The following LMO7 variants were observed in gnomAD, a reference collection of about 807,000 sequenced individuals.
The protein encoded by LMO7 is LIM domain 7.
LMO7 carries 120 observed loss-of-function variants against 206.5 expected under a neutral mutation model. The observed-to-expected ratio is 0.58, with a 90% CI of 0.50 to 0.68. LMO7 has a LOEUF of 0.68. LMO7 is among the 30% of genes least tolerant of loss of function. LMO7 has a pLI of 0.00. For synonymous variants in LMO7, 706 were observed against 681.5 expected, an observed-to-expected ratio of 1.04 and a Z score of -0.56; for missense variants, 1,959 against 1,957.9, an observed-to-expected ratio of 1.00 and a Z score of -0.01.
Position 75,834,243 on chromosome 13 carries a change from T to G in LMO7, c.3082T>G (p.Ser1028Ala). 1 of 1,594,344 alleles carries G rather than the reference T, an allele frequency of 6.3e-7. No homozygotes were observed. The change falls in exon 17 of 31, where the codon TCT (serine) becomes GCT (alanine). Residue 1028 changes from serine to alanine, a missense_variant. By Grantham distance (99) the Ser-to-Ala change is moderately conservative (BLOSUM62 1). Transcript: ENST00000377534. Reference sequence around the variant, plus strand: ...ATTTTTAGGTAGCCCAGCAGAATTTTCTCAGCTACAAGTAGATGATGAAAT... The same window carrying G: ...ATTTTTAGGTAGCCCAGCAGAATTTGCTCAGCTACAAGTAGATGATGAAAT... ...SVEAGSPAEF[S>A]QLQVDDEIIA...
intron 3 of LMO7, among the ~76,000 whole-genome samples, chr13:75,734,338 T>A (rs2045587411): frequency 1.3e-5 from 2 of 152,222 alleles, no homozygotes; most frequent in African/African-American, 4.8e-5. Flanking sequence ...TTTAAAATGT[T>A]AGAAATCCTT....
intron 15 of LMO7, among the ~76,000 whole-genome samples, chr13:75,831,053 A>C (rs2058617800): frequency 6.6e-6 from 1 of 152,094 alleles, no homozygotes; most frequent in Non-Finnish European, 1.5e-5. Flanking sequence ...GTCATCTCTA[A>C]CTTAAGTGTA....
chr13:75,723,960 C>T (rs1018594650), intron 2 of LMO7, among the ~76,000 whole-genome samples: 1 of 152,122 alleles, frequency 6.6e-6, no homozygotes, highest in Non-Finnish European at 1.5e-5. Context: ...AGACAGACTT[C>T]TCACTGCAAC....
At chr13:75,806,297 C>A in intron 9 of LMO7, 1 of 965,512 alleles carries the variant, frequency 1.0e-6, no homozygotes, top group South Asian at 4.8e-5. Context: ...TGCTGCGGGT[C>A]TGGCCTCAGA....
chr13:75,762,953 C>T (rs1480593593), intron 4 of LMO7, among the ~76,000 whole-genome samples: 2 of 152,150 alleles, frequency 1.3e-5, no homozygotes, highest in African/African-American at 2.4e-5. Context: ...TTCTTATGCC[C>T]TGAGATAGCA....
chr13:75,704,660 A>G (rs1315630241), intron 1 of LMO7, among the ~76,000 whole-genome samples: 1 of 152,222 alleles, frequency 6.6e-6, no homozygotes. Flanking sequence ...GACTCGCATT[A>G]GTGGGCATTT....
chr13:75,728,078 A>G (rs1214151076), intron 3 of LMO7, among the ~76,000 whole-genome samples: 1 of 152,108 alleles, frequency 6.6e-6, no homozygotes, highest in Non-Finnish European at 1.5e-5. Flanking sequence ...TAGTGCCGCA[A>G]TAAACACATG....
chr13:75,764,595 G>T (rs916406310), intron 4 of LMO7, among the ~76,000 whole-genome samples: 5 of 152,130 alleles, frequency 3.3e-5, no homozygotes, highest in Non-Finnish European at 7.4e-5. Context: ...TGGCAGAAAG[G>T]TAGGGTTTAA....
At chr13:75,778,855 C>T (rs1339323456) in intron 4 of LMO7, among the ~76,000 whole-genome samples, 1 of 152,060 alleles carries the variant, frequency 6.6e-6, no homozygotes, top group East Asian at 1.9e-4. Context: ...ACCTGCAGGG[C>T]TCATTAAAAC....
At chr13:75,737,795 A>ACAAAAAAC (rs2046028736) in intron 3 of LMO7, among the ~76,000 whole-genome samples, 7 of 127,102 alleles carry the variant, frequency 5.5e-5, no homozygotes, top group Non-Finnish European at 1.0e-4. Context: ...AAAAAAAAAA[A>ACAAAAAAC]AAAAAACTTT....
chr13:75,719,065 C>T (rs529840002), intron 2 of LMO7, among the ~76,000 whole-genome samples: 1 of 151,670 alleles, frequency 6.6e-6, no homozygotes, highest in South Asian at 2.1e-4. Context: ...CTGCAACCTC[C>T]GTCTCCTGGG....
chr13:75,740,613 T>C (rs2046333246), intron 3 of LMO7, among the ~76,000 whole-genome samples: 1 of 152,240 alleles, frequency 6.6e-6, no homozygotes, highest in Admixed American at 6.5e-5. Context: ...GCTGATTTTG[T>C]AGATTTGTTT....
At chr13:75,779,444 C>G (rs1239589094) in intron 4 of LMO7, among the ~76,000 whole-genome samples, 7 of 152,114 alleles carry the variant, frequency 4.6e-5, no homozygotes, top group African/African-American at 1.7e-4. Context: ...GTAAACTAAT[C>G]TGAAAGACAT....
At chr13:75,760,057 T>C (rs2048026191) in intron 3 of LMO7, among the ~76,000 whole-genome samples, 1 of 151,418 alleles carries the variant, frequency 6.6e-6, no homozygotes, top group Admixed American at 6.6e-5. Flanking sequence ...TCTTTTCTTC[T>C]TCTTTTTTTT....
rs74734862 is a variant in LMO7, at chr13:75,629,956, C to A, written c.225+6636C>A. 2.3e-3 allele frequency among the ~76,000 whole-genome samples: 347 copies of A among 152,280 alleles called. 4 individuals carry two copies. In the East Asian group the frequency reaches 0.03, roughly 13 times the overall value. Reference sequence around the variant, plus strand: ...GAGGTAGAAGTCAGATTTGGACATACTGTCATCCCTCAGGATTTGGGGGAA... The same window carrying A: ...GAGGTAGAAGTCAGATTTGGACATAATGTCATCCCTCAGGATTTGGGGGAA... On this transcript the variant is annotated intron_variant, in intron 2 of 29. Transcript: ENST00000341547.
chr13:75,684,162 G>C (rs1270948186), intron 1 of LMO7, among the ~76,000 whole-genome samples: 1 of 152,116 alleles, frequency 6.6e-6, no homozygotes, highest in Non-Finnish European at 1.5e-5. Flanking sequence ...AGATGGTTGG[G>C]GGCGGCCTTA....
rs767160789 is a variant in LMO7, at chr13:75,805,797, C to A, written c.1196+37C>A. The A allele has an allele frequency of 1.9e-6, 3 of 1,594,806 alleles. No individual in the cohort carries two copies. The African/African-American group carries it at 4.0e-5, about 21-fold the overall frequency. On this transcript the variant is annotated intron_variant, in intron 9 of 30. Coordinates refer to ENST00000377534, the MANE Select transcript of LMO7 (RefSeq NM_001306080.2). ...TGCATGTTTCTGTCACACCAGTGTT[C>A]ATTCAGTACCCCAGCTGGGGTTCTA...
At chr13:75,760,470 A>C in intron 3 of LMO7, 1 of 1,230,238 alleles carries the variant, frequency 8.1e-7, no homozygotes, top group Non-Finnish European at 1.0e-6. Flanking sequence ...GTAATCATAG[A>C]AACAGAATGT....
In LMO7 at chr13:75,841,855, G is replaced by A. The variant is rs1342261080; in HGVS notation, c.3903G>A (p.Gln1301=). Residue 1301 remains glutamine, a synonymous_variant, in exon 24 of 31, where the codon CAG becomes CAA. Transcript: ENST00000377534. ...VIERERKWEQ[Q]LQEEQEQKRL... ...AGAGAGAGAGGAAATGGGAGCAACAGCTTCAGGAAGAGCAAGAGCAAAAGC... is the reference window on the plus strand; with the variant it reads ...AGAGAGAGAGGAAATGGGAGCAACAACTTCAGGAAGAGCAAGAGCAAAAGC... The A allele has an allele frequency of 6.8e-6, 11 of 1,614,048 alleles. No homozygotes were observed. Among genetic ancestry groups the A allele is most frequent in the Non-Finnish European group, 9.3e-6 (11 of 1,180,026 alleles).
Sources: gnomAD v4.1 joint callset for allele counts (sites outside exome capture counted in the v4.1 genomes callset) on GRCh38, gnomAD v4.1.1 for gene constraint, MANE v1.5 for transcripts, NCBI Gene and HGNC (gene_info 2026-07-23, HGNC 2026-07-21) for gene names.